The following TVP23A variants were observed in gnomAD, a reference collection of about 807,000 sequenced individuals.
TVP23A encodes trans-golgi network vesicle protein 23 homolog A, also known as Golgi apparatus membrane protein TVP23 homolog A.
A neutral mutation model predicts 31.7 loss-of-function variants in TVP23A; 21 were observed. The observed-to-expected ratio is 0.66, with a 90% confidence interval of 0.47 to 0.95. The LOEUF (loss-of-function observed/expected upper bound fraction) is 0.95, where lower values mean the gene tolerates loss of function less well. Among genes scored for constraint, TVP23A ranks in the 40% least tolerant of loss-of-function variants. TVP23A has a pLI of 0.00. For synonymous variants in TVP23A, 104 were observed against 96.0 expected (o/e 1.08, Z -0.49); for missense variants, 279 against 255.6 (o/e 1.09, Z -0.62).
intron 2 of TVP23A, among the ~76,000 whole-genome samples, chr16:10,809,320 T>C (rs1369059458): frequency 6.6e-6 from 1 of 152,188 alleles, no homozygotes; most frequent in African/African-American, 2.4e-5. Flanking sequence ...GATGGGGGCC[T>C]GCCTGGGAAT....
At chr16:10,803,111 C>T (rs1332440457) in intron 2 of TVP23A, among the ~76,000 whole-genome samples, 1 of 152,072 alleles carries the variant, frequency 6.6e-6, no homozygotes, top group Non-Finnish European at 1.5e-5. Context: ...TAGCAAAATC[C>T]CGTCTCTACT....
At chr16:10,798,265 C>CT (rs986635893) in intron 2 of TVP23A, among the ~76,000 whole-genome samples, 5 of 151,412 alleles carry the variant, frequency 3.3e-5, no homozygotes, top group African/African-American at 9.7e-5. Flanking sequence ...CCTTTTTTTT[C>CT]TTTTTTTAAG....
At chr16:10,784,434 G>A (rs975108664) in intron 2 of TVP23A, among the ~76,000 whole-genome samples, 9 of 151,310 alleles carry the variant, frequency 5.9e-5, no homozygotes, top group South Asian at 4.2e-4. Context: ...GGTGGCACAC[G>A]CCTACAGTCT....
Position 10,807,090 on chromosome 16 carries a change from A to G in TVP23A, c.89+11013T>C, listed in dbSNP as rs1024628210. ...TAGATTTTAGAGAGCCGGTGACAAT[A>G]TAACTTTGTTCCCCAAAAGCTCAGG... is the stretch of plus-strand genomic sequence containing the variant. On this transcript the variant is annotated intron_variant, in intron 2 of 7. Transcript: ENST00000299866. Among the ~76,000 whole-genome samples, 4 of 152,228 alleles carry G rather than the reference A, an allele frequency of 2.6e-5. No homozygotes were observed. In the East Asian group the frequency reaches 7.7e-4, roughly 29 times the overall value.
chr16:10,802,710 C>T (rs1263038887), intron 2 of TVP23A, among the ~76,000 whole-genome samples: 1 of 152,124 alleles, frequency 6.6e-6, no homozygotes, highest in Non-Finnish European at 1.5e-5. Context: ...CTCAAAATAT[C>T]ATTTTCCAAT....
At chr16:10,770,130 G>C (rs1374158507) in intron 7 of TVP23A, 142 bp downstream of exon 7, 15 of 1,065,820 alleles carry the variant, frequency 1.4e-5, no homozygotes, top group Non-Finnish European at 2.0e-5. Flanking sequence ...CCATTGCCCA[G>C]TCTGCTTCCT....
intron 2 of TVP23A, among the ~76,000 whole-genome samples, chr16:10,797,861 G>A (rs1055458847): frequency 1.3e-5 from 2 of 151,946 alleles, no homozygotes; most frequent in South Asian, 2.1e-4. Flanking sequence ...CATGAATTGG[G>A]CATCATTGAA....
rs777635507 is a variant in TVP23A, at chr16:10,775,089, A to G, written c.97T>C (p.Leu33=). Residue 33 remains leucine, a synonymous_variant, in exon 3 of 8, where the codon TTG becomes CTG. Coordinates refer to ENST00000299866, the MANE Select transcript of TVP23A (RefSeq NM_001079512.4). ...AFRKAKIRHP[L]ATFFHLFFRV... ...AAAAACAGGTGGAAAAAGGTGGCCA[A>G]GGGGTGTCTAGGAAAGGACCCAGAA... 80 of 1,607,308 alleles carry G rather than the reference A, an allele frequency of 5.0e-5. No homozygotes were observed. Among genetic ancestry groups the G allele is most frequent in the Non-Finnish European group, 6.7e-5 (79 of 1,177,010 alleles).
intron 2 of TVP23A, among the ~76,000 whole-genome samples, chr16:10,789,592 G>C (rs900903772): frequency 6.6e-6 from 1 of 150,890 alleles, no homozygotes; most frequent in African/African-American, 2.4e-5. Flanking sequence ...ACTTTGGGAG[G>C]CTGAGGCTGG....
downstream of TVP23A, among the ~76,000 whole-genome samples, chr16:10,758,639 T>A (rs1900734838): frequency 6.6e-6 from 1 of 152,156 alleles, no homozygotes; most frequent in Non-Finnish European, 1.5e-5. Context: ...CAGTTATAAT[T>A]CATACTGTGC....
chr16:10,773,082 A>G (rs2031742873), intron 5 of TVP23A, among the ~76,000 whole-genome samples: 1 of 152,182 alleles, frequency 6.6e-6, no homozygotes, highest in Non-Finnish European at 1.5e-5. Flanking sequence ...AGCTCAAGCA[A>G]TCCTTCCACC....
intron 2 of TVP23A, among the ~76,000 whole-genome samples, chr16:10,814,152 C>T (rs1262163724): frequency 6.6e-6 from 1 of 152,112 alleles, no homozygotes; most frequent in Non-Finnish European, 1.5e-5. Flanking sequence ...CTAGGCCCAT[C>T]CCCTGTGAAT....
At chr16:10,809,994 A>G (rs576768093) in intron 2 of TVP23A, among the ~76,000 whole-genome samples, 4 of 152,236 alleles carry the variant, frequency 2.6e-5, no homozygotes, top group Admixed American at 6.5e-5. Context: ...ATGCCCATCA[A>G]TGTATGAATG....
Position 10,773,448 on chromosome 16 carries a change from A to G in TVP23A, c.325-7T>C, listed in dbSNP as rs746392771. Reference sequence around the variant, plus strand: ...CAATGCTATTCGGAGAGACCTGTTAAAGGAAAGTAATTCAAATGTCAAAAC... The same window carrying G: ...CAATGCTATTCGGAGAGACCTGTTAGAGGAAAGTAATTCAAATGTCAAAAC... On this transcript the variant is annotated splice_region_variant and splice_polypyrimidine_tract_variant and intron_variant, in intron 4 of 7. Transcript: ENST00000299866. 6.3e-7 allele frequency: 1 copy of G among 1,575,320 alleles called. No homozygotes were observed. The highest frequency in any genetic ancestry group is 2.1e-5 in the Admixed American group (1 of 47,836).
chr16:10,803,268 T>TGTGTGTGTGTGTGTGTGTGTGC lies in TVP23A; in HGVS notation c.89+14834_89+14835insGCACACACACACACACACACAC, dbSNP rs1555485950. ...CACTGTGTGTGTGTGTGTGTGTGTG[T>TGTGTGTGTGTGTGTGTGTGTGC]GTGTGTGTGTGTGTGTGTCAGAGTC... On this transcript the variant is annotated intron_variant, in intron 2 of 7. Transcript: ENST00000299866. 1.1e-3 allele frequency among the ~76,000 whole-genome samples: 165 copies of TGTGTGTGTGTGTGTGTGTGTGC among 151,418 alleles called. 4 individuals carry two copies. In the East Asian group the frequency reaches 0.013, roughly 12 times the overall value.
At chr16:10,808,779 C>A (rs771127382) in intron 2 of TVP23A, among the ~76,000 whole-genome samples, 1 of 151,992 alleles carries the variant, frequency 6.6e-6, no homozygotes, top group Non-Finnish European at 1.5e-5. Flanking sequence ...CTTATCCCCC[C>A]ACAACTCCCC....
intron 4 of TVP23A, among the ~76,000 whole-genome samples, chr16:10,773,719 T>C (rs1230569806): frequency 6.6e-6 from 1 of 152,030 alleles, no homozygotes; most frequent in African/African-American, 2.4e-5. Flanking sequence ...TACAGGTGCC[T>C]GCCACCACGC....
chr16:10,800,685 A>T (rs1172597610), intron 2 of TVP23A, among the ~76,000 whole-genome samples: 1 of 152,232 alleles, frequency 6.6e-6, no homozygotes, highest in Non-Finnish European at 1.5e-5. Flanking sequence ...CTTTTTAAAA[A>T]GCATTTTTGG....
rs61392688 is a variant in TVP23A, at chr16:10,793,901, C to CAAAAAAA, written c.90-18812_90-18806dup. On this transcript the variant is annotated intron_variant, in intron 2 of 7. Transcript: ENST00000299866. ...GTGACAGAGTGAGACCCTGTCTCAC[C>CAAAAAAA]AAAAAAAAAAAAAAAAAAAAAAAAA... Among the ~76,000 whole-genome samples the CAAAAAAA allele has an allele frequency of 9.7e-4, 38 of 39,182 alleles. 1 individual carries two copies. Among genetic ancestry groups the CAAAAAAA allele is most frequent in the African/African-American group, 2.7e-3 (31 of 11,328 alleles). The allele number at this position is 39,182 out of a possible 152,430, so 25.7% of individuals were successfully genotyped here. A position where few individuals can be genotyped will look rare whatever the true frequency, so the allele number is the denominator to read the frequency against.
Sources: gnomAD v4.1 joint callset for allele counts (sites outside exome capture counted in the v4.1 genomes callset) on GRCh38, gnomAD v4.1.1 for gene constraint, MANE v1.5 for transcripts, NCBI Gene and HGNC (gene_info 2026-07-23, HGNC 2026-07-21) for gene names.